Variants in FAM174A observed in about 807,000 individuals in gnomAD.
FAM174A encodes membrane protein FAM174A.
In FAM174A, 14 loss-of-function variants were observed where a neutral mutation model predicts 14.3. That is an observed-to-expected ratio of 0.98 (90% CI 0.65 to 1.53). The LOEUF (loss-of-function observed/expected upper bound fraction) is 1.53, where lower values mean the gene tolerates loss of function less well. Among genes scored for constraint, FAM174A ranks in the 40% most tolerant of loss-of-function variants. The probability of loss-of-function intolerance (pLI) is 0.00; values close to 1 mark genes in which losing one functional copy is unlikely to be tolerated. For synonymous variants in FAM174A, 108 were observed against 111.4 expected (o/e 0.97, Z 0.19); for missense variants, 241 against 249.6 (o/e 0.97, Z 0.23).
chr5:100,550,069 G>A (rs1746234825), intron 1 of FAM174A, among the ~76,000 whole-genome samples: 1 of 152,022 alleles, frequency 6.6e-6, no homozygotes, highest in Admixed American at 6.6e-5. Flanking sequence ...GTGTATATGA[G>A]GAAAACTGTG....
At chr5:100,577,396 T>A (rs1404524358) in intron 2 of FAM174A, among the ~76,000 whole-genome samples, 2 of 152,150 alleles carry the variant, frequency 1.3e-5, no homozygotes, top group Admixed American at 6.6e-5. Context: ...TTTTGGCTAC[T>A]GCTGTTATGC....
chr5:100,553,364 T>C (rs191565553), intron 1 of FAM174A, among the ~76,000 whole-genome samples: 1 of 152,126 alleles, frequency 6.6e-6, no homozygotes, highest in Non-Finnish European at 1.5e-5. Context: ...AGCTTTGAAA[T>C]TGCTTTTTTT....
rs180920258 is a variant in FAM174A at position 100,554,957 on chromosome 5, T to A, written c.435-7097T>A. 2.2e-3 allele frequency among the ~76,000 whole-genome samples: 333 copies of A among 152,268 alleles called. 1 individual carries two copies. Among genetic ancestry groups the A allele is most frequent in the African/African-American group, 7.8e-3 (325 of 41,552 alleles). The stretch of plus-strand genomic sequence containing the variant: ...TTTTTTTTAATTATACTTTAAGTTT[T>A]AGGGTACATGTGCACAACATGCAGG... On this transcript the variant is annotated intron_variant, in intron 1 of 2. Coordinates refer to ENST00000312637, the MANE Select transcript of FAM174A (RefSeq NM_198507.3).
chr5:100,564,707 T>A (rs1203090204), intron 2 of FAM174A, among the ~76,000 whole-genome samples: 1 of 151,644 alleles, frequency 6.6e-6, no homozygotes, highest in Non-Finnish European at 1.5e-5. Context: ...TTACAATGGG[T>A]ACCTCAGAAA....
At chr5:100,574,121 A>G (rs962419516) in intron 2 of FAM174A, among the ~76,000 whole-genome samples, 27 of 152,292 alleles carry the variant, frequency 1.8e-4, no homozygotes, top group African/African-American at 6.5e-4. Context: ...ACAATGTACC[A>G]CTGAATTGGA....
chr5:100,583,352 C>G (rs1055285617), intron 2 of FAM174A, among the ~76,000 whole-genome samples: 1 of 152,126 alleles, frequency 6.6e-6, no homozygotes, highest in Non-Finnish European at 1.5e-5. Context: ...CTATTGGTAC[C>G]AATTCTTCTT....
intron 2 of FAM174A, among the ~76,000 whole-genome samples, chr5:100,579,823 G>A (rs1261785517): frequency 6.6e-6 from 1 of 152,166 alleles, no homozygotes; most frequent in Non-Finnish European, 1.5e-5. Context: ...TATGTTTGCA[G>A]TTGTATTGCT....
chr5:100,551,551 C>T (rs952440808), intron 1 of FAM174A, among the ~76,000 whole-genome samples: 3 of 152,160 alleles, frequency 2.0e-5, no homozygotes, highest in Admixed American at 6.6e-5. Flanking sequence ...GTAAGATCTC[C>T]TTAATTTCCC....
intron 2 of FAM174A, among the ~76,000 whole-genome samples, chr5:100,565,354 A>G (rs1746620946): frequency 6.6e-6 from 1 of 151,916 alleles, no homozygotes; most frequent in South Asian, 2.1e-4. Flanking sequence ...TGCACAGCCA[A>G]GTAGATAATC....
intron 1 of FAM174A, among the ~76,000 whole-genome samples, chr5:100,549,593 T>G (rs1746223791): frequency 6.6e-6 from 1 of 151,592 alleles, no homozygotes; most frequent in African/African-American, 2.4e-5. Flanking sequence ...TGAACATACA[T>G]GAACACGCTT....
At chr5:100,542,587 TG>T (rs1190024827) in intron 1 of FAM174A, among the ~76,000 whole-genome samples, 2 of 152,228 alleles carry the variant, frequency 1.3e-5, no homozygotes, top group African/African-American at 4.8e-5. Context: ...CCTTCAACAC[TG>T]AACAGATGGT....
chr5:100,551,855 G>T (rs1415186770), intron 1 of FAM174A, among the ~76,000 whole-genome samples: 2 of 152,016 alleles, frequency 1.3e-5, no homozygotes, highest in East Asian at 1.9e-4. Context: ...AAATTTCCCT[G>T]TTTATAAGGA....
At chr5:100,538,878 G>T (rs751561845) in intron 1 of FAM174A, among the ~76,000 whole-genome samples, 1 of 152,004 alleles carries the variant, frequency 6.6e-6, no homozygotes, top group African/African-American at 2.4e-5. Context: ...GAGCGGGGGT[G>T]GGGGGAAATC....
At chr5:100,585,154 G>A (rs1747102819) in intron 2 of FAM174A, among the ~76,000 whole-genome samples, 1 of 152,028 alleles carries the variant, frequency 6.6e-6, no homozygotes, top group South Asian at 2.1e-4. Flanking sequence ...AACTAGAGGG[G>A]ACTGTGAAAT....
chr5:100,563,339 C>T (rs80058730), intron 2 of FAM174A, among the ~76,000 whole-genome samples: 172 of 150,794 alleles, frequency 1.1e-3, no homozygotes, highest in Middle Eastern at 3.4e-3. Context: ...CAAAACAAAG[C>T]AGGGGTTGCT....
chr5:100,539,620 T>A (rs1746011431), intron 1 of FAM174A, among the ~76,000 whole-genome samples: 1 of 152,138 alleles, frequency 6.6e-6, no homozygotes, highest in Non-Finnish European at 1.5e-5. Flanking sequence ...GTAGGTAATA[T>A]CATTCTTACT....
chr5:100,552,183 A>G (rs1383208860), intron 1 of FAM174A, among the ~76,000 whole-genome samples: 6 of 152,214 alleles, frequency 3.9e-5, no homozygotes, highest in Non-Finnish European at 7.4e-5. Flanking sequence ...CTTCCTGATG[A>G]AAAGTATAGA....
At chr5:100,566,964 G>T (rs1746666943) in intron 2 of FAM174A, among the ~76,000 whole-genome samples, 1 of 151,796 alleles carries the variant, frequency 6.6e-6, no homozygotes, top group Admixed American at 6.6e-5. Context: ...TAGTTAGATG[G>T]TGCAAATGCA....
rs570853705 is a variant in FAM174A at position 100,536,031 on chromosome 5, G to A, written c.434+67G>A. ...TACGCAGGCCGGTGATCTCCAGCAAGGCTGACTTCTGTGACCCTTTCCCCC... is the reference window on the plus strand; with the variant it reads ...TACGCAGGCCGGTGATCTCCAGCAAAGCTGACTTCTGTGACCCTTTCCCCC... On this transcript the variant is annotated intron_variant, in intron 1 of 2. Transcript: ENST00000312637. 40 of 1,414,700 alleles carry A rather than the reference G, an allele frequency of 2.8e-5. 2 individuals carry two copies. The South Asian group carries it at 5.4e-4, about 19-fold the overall frequency. 87.6% of individuals were successfully genotyped at this position (1,414,700 alleles called of 1,614,324 possible). A position where few individuals can be genotyped will look rare whatever the true frequency, so the allele number is the denominator to read the frequency against.
Sources: gnomAD v4.1 joint callset for allele counts (sites outside exome capture counted in the v4.1 genomes callset) on GRCh38, gnomAD v4.1.1 for gene constraint, MANE v1.5 for transcripts, NCBI Gene and HGNC (gene_info 2026-07-23, HGNC 2026-07-21) for gene names.